The following TMEM178B variants were observed in gnomAD, a reference collection of about 807,000 sequenced individuals.
The protein encoded by TMEM178B is transmembrane protein 178B.
Under a neutral mutation model 31.0 loss-of-function variants are expected in TMEM178B, and 5 were observed. The observed-to-expected ratio is 0.16, with a 90% CI of 0.08 to 0.34. The LOEUF (loss-of-function observed/expected upper bound fraction) is 0.34, where lower values mean the gene tolerates loss of function less well. Among genes scored for constraint, TMEM178B ranks in the 10% least tolerant of loss-of-function variants. TMEM178B has a pLI of 1.00. For synonymous variants in TMEM178B, 164 were observed against 164.0 expected, an observed-to-expected ratio of 1.00 and a Z score of 0.00; for missense variants, 275 against 400.3, an observed-to-expected ratio of 0.69 and a Z score of 2.67.
chr7:141,324,828 C>T (rs2116480244), intron 2 of TMEM178B, among the ~76,000 whole-genome samples: 1 of 152,126 alleles, frequency 6.6e-6, no homozygotes, highest in East Asian at 1.9e-4. Flanking sequence ...TTTGTGGATT[C>T]TTTGTAACTA....
At position 141,318,501 on chromosome 7, in the gene TMEM178B, A is replaced by G. The variant is rs552009333; in HGVS notation, c.496+105797A>G. ...GAATACGTGTTTTATCTGATTTTAA[A>G]ACTTTTCACTCACACTAAGGTAAAT... On this transcript the variant is annotated intron_variant, in intron 2 of 3. Transcript: ENST00000565468. The surrounding 1 kb of genome is among the most constrained non-coding windows in gnomAD (Gnocchi z 4.1). Among the ~76,000 whole-genome samples the G allele has an allele frequency of 1.3e-4, 20 of 152,326 alleles. No homozygotes were observed. The South Asian group carries it at 4.1e-3, about 32-fold the overall frequency.
intron 2 of TMEM178B, among the ~76,000 whole-genome samples, chr7:141,335,012 G>A (rs917686870): frequency 1.4e-4 from 22 of 152,128 alleles, no homozygotes; most frequent in Non-Finnish European, 2.6e-4. Context: ...TTCCTCCCTC[G>A]AGGGGCCTGC....
intron 1 of TMEM178B, among the ~76,000 whole-genome samples, chr7:141,191,769 T>A (rs2129185039): frequency 6.6e-6 from 1 of 152,350 alleles, no homozygotes; most frequent in East Asian, 1.9e-4. Context: ...GAGTTGCAAG[T>A]ACTCCTCTTA....
chr7:141,509,924 G>A, the TMEM178B span, among the ~76,000 whole-genome samples: 3 of 152,210 alleles, frequency 2.0e-5, no homozygotes, highest in African/African-American at 7.2e-5. Context: ...CAAGCTCTGG[G>A]AGTCTACAAG....
At chr7:141,274,399 G>A (rs752705217) in intron 2 of TMEM178B, among the ~76,000 whole-genome samples, 7 of 151,996 alleles carry the variant, frequency 4.6e-5, no homozygotes, top group African/African-American at 7.3e-5. Context: ...CAGCATATTC[G>A]TCTATCCAAC....
At chr7:141,457,287 T>G (rs1251513315) in intron 3 of TMEM178B, among the ~76,000 whole-genome samples, 1 of 152,216 alleles carries the variant, frequency 6.6e-6, no homozygotes, top group African/African-American at 2.4e-5. Flanking sequence ...TTCAGCAAAT[T>G]ATTTAGCTTG....
intron 2 of TMEM178B, among the ~76,000 whole-genome samples, chr7:141,395,376 G>A (rs1305217816): frequency 1.3e-5 from 2 of 152,320 alleles, no homozygotes; most frequent in South Asian, 2.1e-4. Context: ...AGGAGGTTGA[G>A]GCTGCAGGGA....
intron 2 of TMEM178B, among the ~76,000 whole-genome samples, chr7:141,330,988 G>A (rs1248861726): frequency 4.6e-5 from 7 of 152,216 alleles, no homozygotes. Flanking sequence ...AGTCAAGCAT[G>A]CCTCCAAGCC....
In TMEM178B at chr7:141,150,463, G is replaced by A. The variant is rs919119159; in HGVS notation, c.383-62128G>A. Among the ~76,000 whole-genome samples the A allele has an allele frequency of 5.3e-5, 8 of 152,120 alleles. No homozygotes were observed. The East Asian group carries it at 5.8e-4, about 11-fold the overall frequency. Reference sequence around the variant, plus strand: ...GTGGGTAGAGTCTGTTCTTTCCTCCGAAGTCCTCCCCAACAAAGAAACAGT... The same window carrying A: ...GTGGGTAGAGTCTGTTCTTTCCTCCAAAGTCCTCCCCAACAAAGAAACAGT... On this transcript the variant is annotated intron_variant, in intron 1 of 3. Coordinates refer to ENST00000565468, the MANE Select transcript of TMEM178B (RefSeq NM_001195278.2).
At chr7:141,386,267 G>C (rs1394347984) in intron 2 of TMEM178B, among the ~76,000 whole-genome samples, 1 of 152,118 alleles carries the variant, frequency 6.6e-6, no homozygotes, top group African/African-American at 2.4e-5. Context: ...TGCCTCCACT[G>C]GTGCCATTCT....
intron 1 of TMEM178B, among the ~76,000 whole-genome samples, chr7:141,177,327 G>A (rs562168810): frequency 5.9e-5 from 9 of 152,200 alleles, no homozygotes; most frequent in South Asian, 2.1e-4. Flanking sequence ...TATGATTTCC[G>A]TTCTTTTGCG....
chr7:141,212,169 A>C (rs1797061850), intron 1 of TMEM178B, among the ~76,000 whole-genome samples: 1 of 152,162 alleles, frequency 6.6e-6, no homozygotes, highest in South Asian at 2.1e-4. Flanking sequence ...CCATTCCCCC[A>C]GCTCACCATT....
chr7:141,333,889 T>C (rs1326189369), intron 2 of TMEM178B, among the ~76,000 whole-genome samples: 1 of 152,224 alleles, frequency 6.6e-6, no homozygotes, highest in East Asian at 1.9e-4. Flanking sequence ...TGCGCTCCTA[T>C]GAGAATCTAA....
intron 1 of TMEM178B, among the ~76,000 whole-genome samples, chr7:141,115,267 C>T (rs945621285): frequency 2.1e-5 from 3 of 143,578 alleles, no homozygotes; most frequent in Non-Finnish European, 4.5e-5. Flanking sequence ...TTTTGAACTC[C>T]TGACCTCAGG....
rs1455281745 is a variant in TMEM178B, at chr7:141,074,876, G to C, written c.382+184G>C. Among the ~76,000 whole-genome samples the C allele has an allele frequency of 6.6e-6, 1 of 152,218 alleles. No homozygotes were observed. The highest frequency in any genetic ancestry group is 1.9e-4 in the East Asian group (1 of 5,182). ...TCCCAATAGCTGTTAATGAAGCTTG[G>C]TGCAGGCTTAACTCTCTCCCCTGCC... On this transcript the variant is annotated intron_variant, in intron 1 of 3. Coordinates refer to ENST00000565468, the MANE Select transcript of TMEM178B (RefSeq NM_001195278.2). The surrounding 1 kb of genome is among the most constrained non-coding windows in gnomAD (Gnocchi z 5.1).
intron 2 of TMEM178B, among the ~76,000 whole-genome samples, chr7:141,251,702 C>T (rs1421489670): frequency 6.6e-6 from 1 of 152,156 alleles, no homozygotes; most frequent in Non-Finnish European, 1.5e-5. Context: ...TTTATCCACC[C>T]CGCATTGTAC....
In TMEM178B at chr7:141,263,331, G is replaced by A. The variant is rs537312984; in HGVS notation, c.496+50627G>A. 6.9e-4 allele frequency among the ~76,000 whole-genome samples: 105 copies of A among 152,230 alleles called. 1 individual carries two copies. In the South Asian group the frequency reaches 0.017, roughly 25 times the overall value. ...GGACCAGGCTCAGTGGAATAGTGGC[G>A]ATAACATTTTCCAGGCTGATGGGAT... On this transcript the variant is annotated intron_variant, in intron 2 of 3. Transcript: ENST00000565468.
Position 141,458,512 on chromosome 7 carries a change from A to G in TMEM178B, c.635-12024A>G, listed in dbSNP as rs1333631335. 2.0e-5 allele frequency among the ~76,000 whole-genome samples: 3 copies of G among 152,214 alleles called. No individual in the cohort carries two copies. The East Asian group carries it at 5.8e-4, about 29-fold the overall frequency. ...ACAGAATGAAGGGTCCTGAGTAAGC[A>G]CTTCCTCTGTTCTCTGTTGAGAGCA... On this transcript the variant is annotated intron_variant, in intron 3 of 3. Transcript: ENST00000565468.
intron 2 of TMEM178B, among the ~76,000 whole-genome samples, chr7:141,402,432 C>T (rs1800801467): frequency 6.6e-6 from 1 of 152,216 alleles, no homozygotes; most frequent in South Asian, 2.1e-4. Flanking sequence ...CTCATTCCTG[C>T]TAACTTTTCA....
Sources: gnomAD v4.1 joint callset for allele counts (sites outside exome capture counted in the v4.1 genomes callset) on GRCh38, gnomAD v4.1.1 for gene constraint, Gnocchi (gnomAD v3.1) non-coding constraint, MANE v1.5 for transcripts, NCBI Gene and HGNC (gene_info 2026-07-23, HGNC 2026-07-21) for gene names.